GPR55: variants seen among roughly 807,000 people sequenced by gnomAD.
The protein encoded by GPR55 is G-protein coupled receptor 55.
In GPR55, 6 loss-of-function variants were observed where a neutral mutation model predicts 7.9. The ratio of observed to expected loss-of-function variants is 0.76; its 90% CI spans 0.41 to 1.49. The LOEUF (loss-of-function observed/expected upper bound fraction) is 1.49, where lower values mean the gene tolerates loss of function less well. Among genes scored for constraint, GPR55 ranks in the 40% most tolerant of loss-of-function variants. The pLI, the probability that GPR55 is intolerant of heterozygous loss-of-function variation, is 0.01. For synonymous variants in GPR55, 183 were observed against 166.8 expected, an observed-to-expected ratio of 1.10 and a Z score of -0.75; for missense variants, 376 against 406.0, an observed-to-expected ratio of 0.93 and a Z score of 0.63.
upstream of GPR55, among the ~76,000 whole-genome samples, chr2:230,926,307 G>A (rs933988597): frequency 3.3e-5 from 5 of 152,322 alleles, no homozygotes; most frequent in South Asian, 4.1e-4. Flanking sequence ...GGGCTTGTGC[G>A]ATGGGCAGTG....
intron 1 of GPR55, chr2:230,958,055 A>G: frequency 3.8e-6 from 1 of 263,522 alleles, no homozygotes; most frequent in East Asian, 1.1e-4. Context: ...TCAATCAAGT[A>G]AATAAAGTTT....
chr2:230,927,524 T>C (rs1033704226), upstream of GPR55, among the ~76,000 whole-genome samples: 1 of 152,086 alleles, frequency 6.6e-6, no homozygotes, highest in African/African-American at 2.4e-5. Context: ...TCTCAGAAAA[T>C]TTCCCTTAAG....
At chr2:230,947,892 G>A (rs144465511) in intron 1 of GPR55, among the ~76,000 whole-genome samples, 2 of 152,150 alleles carry the variant, frequency 1.3e-5, no homozygotes, top group African/African-American at 2.4e-5. Flanking sequence ...CAGCTACAGC[G>A]AGGCTTCCTA....
At chr2:230,927,486 C>T (rs906502658), upstream of GPR55, among the ~76,000 whole-genome samples, 3 of 152,192 alleles carry the variant, frequency 2.0e-5, no homozygotes, top group Non-Finnish European at 4.4e-5. Context: ...TTGCCACAGG[C>T]CTGGGGAGTC....
At chr2:230,938,060 T>A (rs1241500638) in intron 1 of GPR55, among the ~76,000 whole-genome samples, 2 of 142,286 alleles carry the variant, frequency 1.4e-5, no homozygotes, top group Non-Finnish European at 3.0e-5. Context: ...CTTGGGCGGA[T>A]CACTTAAGTA....
intron 1 of GPR55, among the ~76,000 whole-genome samples, chr2:230,959,667 A>AT (rs35915113): frequency 3.8e-4 from 57 of 150,656 alleles, no homozygotes; most frequent in Non-Finnish European, 5.2e-4. Context: ...GCACTGCATT[A>AT]TTTTTTTTTT....
At chr2:230,932,458 C>T (rs1039542384) in intron 1 of GPR55, among the ~76,000 whole-genome samples, 1 of 152,048 alleles carries the variant, frequency 6.6e-6, no homozygotes, top group Non-Finnish European at 1.5e-5. Flanking sequence ...ATGCACATAA[C>T]GTTACATGAA....
intron 1 of GPR55, among the ~76,000 whole-genome samples, chr2:230,919,729 A>AT (rs1690792519): frequency 1.3e-5 from 2 of 152,110 alleles, no homozygotes; most frequent in Non-Finnish European, 2.9e-5. Flanking sequence ...CCACCTTGGC[A>AT]TTTTTTCTTC....
upstream of GPR55, among the ~76,000 whole-genome samples, chr2:230,928,999 G>A (rs1015376479): frequency 6.6e-6 from 1 of 152,172 alleles, no homozygotes; most frequent in African/African-American, 2.4e-5. Flanking sequence ...CTGTTCCCAA[G>A]CCCCACTTCT....
chr2:230,919,492 T>C lies in GPR55; in HGVS notation c.-135+5676A>G, dbSNP rs77105235. ...CATAGGCAGTTCCCAGAAGAGGATT[T>C]ACAAAGAGATAACATTTTTGCTTAT... On this transcript the variant is annotated intron_variant, in intron 1 of 1. Coordinates refer to ENST00000650999, the MANE Select transcript of GPR55 (RefSeq NM_005683.4). 3.2e-3 allele frequency among the ~76,000 whole-genome samples: 483 copies of C among 152,286 alleles called. 8 individuals are homozygous for C. The highest frequency in any genetic ancestry group is 0.024 in the East Asian group (125 of 5,194).
chr2:230,948,605 C>T (rs905802581), intron 1 of GPR55, among the ~76,000 whole-genome samples: 13 of 152,156 alleles, frequency 8.5e-5, no homozygotes, highest in Admixed American at 2.6e-4. Flanking sequence ...TTATATAATT[C>T]GGATTTTTTC....
At chr2:230,925,268 G>A (rs1302092638), upstream of GPR55, 2 of 152,648 alleles carry the variant, frequency 1.3e-5, no homozygotes, top group Non-Finnish European at 2.9e-5. Context: ...CCCTCTCTGG[G>A]TCTCGACTTC....
intron 1 of GPR55, among the ~76,000 whole-genome samples, chr2:230,934,839 G>A (rs1310884594): frequency 6.6e-6 from 1 of 152,116 alleles, no homozygotes; most frequent in African/African-American, 2.4e-5. Flanking sequence ...TGGGGATTAA[G>A]CCCTCTCTTC....
At chr2:230,917,646 AT>A (rs965722301) in intron 1 of GPR55, among the ~76,000 whole-genome samples, 1,581 of 147,774 alleles carry the variant, frequency 0.011, 28 homozygotes, top group African/African-American at 0.036. Context: ...TGTCTCTACA[AT>A]TTTTTTTTTT....
chr2:230,942,355 C>T (rs114281326), intron 1 of GPR55, among the ~76,000 whole-genome samples: 2,020 of 152,310 alleles, frequency 0.013, 44 homozygotes, highest in African/African-American at 0.045. Flanking sequence ...CCCAGCAGAG[C>T]AGCTGAGAGA....
chr2:230,908,244 G>A lies in GPR55; in HGVS notation c.*1759C>T, dbSNP rs1298094035. On this transcript the variant is annotated 3_prime_UTR_variant, in exon 2 of 2. Coordinates refer to ENST00000650999, the MANE Select transcript of GPR55 (RefSeq NM_005683.4). The stretch of plus-strand genomic sequence containing the variant: ...CTCTGGTCTGGTCTGGTCTGGTCTG[G>A]TCACTCCTCCACATCCACTTCCACC... 1 of 153,134 alleles carries A rather than the reference G, an allele frequency of 6.5e-6. No homozygotes were observed. The highest frequency in any genetic ancestry group is 1.5e-5 in the Non-Finnish European group (1 of 68,800). 9.5% of individuals were successfully genotyped at this position (153,134 alleles called of 1,614,324 possible).
upstream of GPR55, among the ~76,000 whole-genome samples, chr2:230,928,173 G>A (rs1334534700): frequency 2.0e-5 from 3 of 152,148 alleles, no homozygotes; most frequent in African/African-American, 4.8e-5. Context: ...GGCACGGGCC[G>A]CCCCGGGGTC....
intron 1 of GPR55, among the ~76,000 whole-genome samples, chr2:230,935,888 G>A (rs544004889): frequency 4.6e-5 from 7 of 152,304 alleles, no homozygotes; most frequent in South Asian, 2.1e-4. Context: ...GCATGTTGGC[G>A]CACAAAAAGT....
chr2:230,959,719 T>G (rs759843139), intron 1 of GPR55, among the ~76,000 whole-genome samples: 3 of 152,216 alleles, frequency 2.0e-5, no homozygotes, highest in African/African-American at 2.4e-5. Context: ...AATTCTTGAT[T>G]TTTGTTGATT....
Sources: allele counts gnomAD v4.1 joint callset (sites outside exome capture counted in the v4.1 genomes callset), GRCh38; gene constraint gnomAD v4.1.1; transcripts MANE v1.5; gene names NCBI Gene and HGNC (gene_info 2026-07-23, HGNC 2026-07-21).